Variants in CNTNAP3B observed in about 807,000 individuals in gnomAD.
CNTNAP3B encodes the protein contactin-associated protein-like 3B.
A neutral mutation model predicts 108.9 loss-of-function variants in CNTNAP3B; 25 were observed. The observed-to-expected ratio is 0.23, with a 90% CI of 0.17 to 0.32. The LOEUF (loss-of-function observed/expected upper bound fraction) is 0.32, where lower values mean the gene tolerates loss of function less well. Ranked by LOEUF, CNTNAP3B falls within the 10% of genes least tolerant of loss-of-function variation. The pLI, the probability that CNTNAP3B is intolerant of heterozygous loss-of-function variation, is 1.00. For missense variants in CNTNAP3B, 252 were observed against 1,210.4 expected (o/e 0.21, Z 11.75); for synonymous variants, 103 against 473.4 (o/e 0.22, Z 10.16).
In CNTNAP3B at chr9:42,125,608, G is replaced by A. The variant is rs554583250; in HGVS notation, c.85+3402C>T. Among the ~76,000 whole-genome samples, 18 of 137,608 alleles carry A rather than the reference G, an allele frequency of 1.3e-4. 1 individual carries two copies. In the East Asian group the frequency reaches 2.0e-3, roughly 15 times the overall value. The allele number at this position is 137,608 out of a possible 152,430, so 90.3% of individuals were successfully genotyped here. On this transcript the variant is annotated intron_variant, in intron 1 of 23. Transcript: ENST00000377561. ...CATTTCCATGGGCTACTTCAGCTCC[G>A]TACTGTTTGTATAGAGTTTGGTGAA...
chr9:41,918,018 T>C (rs1321812545), intron 18 of CNTNAP3B, among the ~76,000 whole-genome samples: 8 of 152,408 alleles, frequency 5.2e-5, no homozygotes, highest in African/African-American at 1.7e-4. Flanking sequence ...TAGGACATTT[T>C]CTAAAGACTT....
chr9:42,111,242 G>T lies in CNTNAP3B; in HGVS notation c.86-6503C>A, dbSNP rs1401761022. Among the ~76,000 whole-genome samples, 4 of 139,670 alleles carry T rather than the reference G, an allele frequency of 2.9e-5. 1 individual carries two copies. The highest frequency in any genetic ancestry group is 6.2e-5 in the Non-Finnish European group (4 of 65,034). 91.6% of individuals were successfully genotyped at this position (139,670 alleles called of 152,430 possible). On this transcript the variant is annotated intron_variant, in intron 1 of 23. Transcript: ENST00000377561. ...CAGCAGAACTTGGGACTTTCGGCTT[G>T]AACTCTTGGGAGAAATACCCATTCA...
At chr9:42,041,632 T>C (rs1277619797) in intron 3 of CNTNAP3B, among the ~76,000 whole-genome samples, 1 of 144,404 alleles carries the variant, frequency 6.9e-6, no homozygotes, top group East Asian at 2.1e-4. Flanking sequence ...ACTTTTGCAC[T>C]GTTGGTGGGA....
At chr9:41,964,231 G>C (rs1192390913) in intron 11 of CNTNAP3B, among the ~76,000 whole-genome samples, 13 of 151,962 alleles carry the variant, frequency 8.6e-5, no homozygotes, top group African/African-American at 3.1e-4. Flanking sequence ...GGAACAAGCT[G>C]TTAACATCAT....
At chr9:41,939,998 G>A (rs1587124573) in intron 13 of CNTNAP3B, among the ~76,000 whole-genome samples, 1 of 152,282 alleles carries the variant, frequency 6.6e-6, no homozygotes, top group Non-Finnish European at 1.5e-5. Context: ...CTCTGAATGG[G>A]CTCAAGAATA....
chr9:41,924,889 T>G (rs374473969), intron 15 of CNTNAP3B, among the ~76,000 whole-genome samples: 492 of 150,474 alleles, frequency 3.3e-3, no homozygotes, highest in African/African-American at 0.012. Flanking sequence ...CAGTTGACTT[T>G]CAGAATGTTC....
At chr9:41,969,327 T>A (rs1391764870) in intron 10 of CNTNAP3B, among the ~76,000 whole-genome samples, 1 of 149,862 alleles carries the variant, frequency 6.7e-6, no homozygotes, top group Non-Finnish European at 1.5e-5. Flanking sequence ...TCATTGAGTA[T>A]GTCCTTCTGC....
chr9:41,942,150 T>C (rs1228025698), intron 13 of CNTNAP3B, among the ~76,000 whole-genome samples: 1 of 152,262 alleles, frequency 6.6e-6, no homozygotes, highest in Admixed American at 6.5e-5. Context: ...GGAAGACAGG[T>C]TCTCTAAAAG....
chr9:42,128,958 C>A, intron 1 of CNTNAP3B, 52 bp downstream of exon 1: 1 of 1,452,360 alleles, frequency 6.9e-7, no homozygotes, highest in Non-Finnish European at 9.1e-7. Context: ...TAAAAAAATA[C>A]AAAGTTTTCC....
chr9:42,097,402 T>C (rs1215765442), intron 2 of CNTNAP3B, among the ~76,000 whole-genome samples: 1 of 139,944 alleles, frequency 7.1e-6, no homozygotes, highest in Non-Finnish European at 1.5e-5. Context: ...ATGCTTTTTA[T>C]ATTTGTATTT....
At chr9:41,958,211 G>A (rs1217547898) in intron 12 of CNTNAP3B, among the ~76,000 whole-genome samples, 16 of 151,830 alleles carry the variant, frequency 1.1e-4, no homozygotes, top group Admixed American at 2.0e-4. Context: ...AGGCTCAAGC[G>A]ATCCTCCCAC....
rs1466091599 is a variant in CNTNAP3B, at chr9:42,119,633, T to C, written c.85+9377A>G. On this transcript the variant is annotated intron_variant, in intron 1 of 23. Transcript: ENST00000377561. Reference sequence around the variant, plus strand: ...CATGGCACTGGTACCAAAACAGAGATATAGAAAAACAGAACAGAGCCCTCA... The same window carrying C: ...CATGGCACTGGTACCAAAACAGAGACATAGAAAAACAGAACAGAGCCCTCA... Among the ~76,000 whole-genome samples, 96 of 134,104 alleles carry C rather than the reference T, an allele frequency of 7.2e-4. 15 individuals carry two copies. Among genetic ancestry groups the C allele is most frequent in the African/African-American group, 2.8e-3 (94 of 33,782 alleles). The allele number at this position is 134,104 out of a possible 152,430, so 88.0% of individuals were successfully genotyped here.
intron 1 of CNTNAP3B, among the ~76,000 whole-genome samples, chr9:42,120,199 T>C (rs1474459678): frequency 6.8e-6 from 1 of 146,090 alleles, no homozygotes; most frequent in Non-Finnish European, 1.5e-5. Context: ...AGAAGACATT[T>C]ATGCAGCCAA....
chr9:42,110,887 T>TA (rs1198390786), intron 1 of CNTNAP3B, among the ~76,000 whole-genome samples: 1 of 140,168 alleles, frequency 7.1e-6, no homozygotes, highest in Non-Finnish European at 1.5e-5. Context: ...CATTGCTATC[T>TA]AGAGGGAATG....
At chr9:42,094,614 C>T (rs1223394877) in intron 2 of CNTNAP3B, among the ~76,000 whole-genome samples, 1 of 126,364 alleles carries the variant, frequency 7.9e-6, no homozygotes, top group African/African-American at 3.3e-5. Flanking sequence ...TGTGATCTTG[C>T]CACTGTACTC....
chr9:41,980,695 C>T lies in CNTNAP3B; in HGVS notation c.1477+5473G>A, dbSNP rs1277454652. 2 of 148,186 alleles carry T rather than the reference C, an allele frequency of 1.3e-5. 1 individual carries two copies. Among genetic ancestry groups the T allele is most frequent in the African/African-American group, 5.1e-5 (2 of 39,106 alleles). 9.2% of individuals were successfully genotyped at this position (148,186 alleles called of 1,614,324 possible). ...AGCATCAGGTATTTTCTCAACATCC[C>T]TTCATGTTAAAAACCCTCAACAAAT... On this transcript the variant is annotated intron_variant, in intron 9 of 23. Coordinates refer to ENST00000377561, the MANE Select transcript of CNTNAP3B (RefSeq NM_001201380.3).
intron 14 of CNTNAP3B, among the ~76,000 whole-genome samples, chr9:41,932,818 C>T (rs1391524802): frequency 6.6e-6 from 1 of 152,164 alleles, no homozygotes; most frequent in East Asian, 1.9e-4. Context: ...GCGCCCAGCC[C>T]AACTGTTAAT....
chr9:41,991,500 CA>C (rs1825805365), intron 8 of CNTNAP3B, 109 bp downstream of exon 8: 6 of 755,468 alleles, frequency 7.9e-6, no homozygotes, highest in Non-Finnish European at 1.3e-5. Context: ...AAGGAAGCAG[CA>C]ATCTGTTCCT....
At chr9:41,933,354 C>T (rs1824038964) in intron 14 of CNTNAP3B, among the ~76,000 whole-genome samples, 2 of 152,404 alleles carry the variant, frequency 1.3e-5, no homozygotes, top group Middle Eastern at 3.4e-3. Context: ...CCAAATGTCC[C>T]AAGAGTCGAA....
Sources: allele counts gnomAD v4.1 joint callset (sites outside exome capture counted in the v4.1 genomes callset), GRCh38; gene constraint gnomAD v4.1.1; transcripts MANE v1.5; gene names NCBI Gene and HGNC (gene_info 2026-07-23, HGNC 2026-07-21).